Variants in NTM observed in about 807,000 individuals in gnomAD.
NTM encodes the protein IgLON family member 2.
Under a neutral mutation model 42.1 loss-of-function variants are expected in NTM, and 13 were observed. The observed-to-expected ratio is 0.31, with a 90% CI of 0.20 to 0.49. The LOEUF (loss-of-function observed/expected upper bound fraction) is 0.49, where lower values mean the gene tolerates loss of function less well. Among genes scored for constraint, NTM ranks in the 20% least tolerant of loss-of-function variants. The pLI is 0.99. For synonymous variants in NTM, 187 were observed against 179.2 expected (o/e 1.04, Z -0.35); for missense variants, 373 against 452.8 (o/e 0.82, Z 1.60).
intron 2 of NTM, among the ~76,000 whole-genome samples, chr11:132,101,641 A>C (rs891616490): frequency 6.6e-5 from 10 of 152,080 alleles, no homozygotes; most frequent in African/African-American, 2.4e-4. Context: ...AATGCAGGCC[A>C]GAAACCTAAG....
chr11:132,307,851 G>A (rs902022211), intron 5 of NTM, 28 bp downstream of exon 5: 7 of 1,609,468 alleles, frequency 4.3e-6, no homozygotes, highest in Non-Finnish European at 5.9e-6. Context: ...CACGCGCCCT[G>A]CACGTGCATC....
intron 2 of NTM, among the ~76,000 whole-genome samples, chr11:131,943,148 A>G (rs951708171): frequency 3.9e-5 from 6 of 151,978 alleles, no homozygotes; most frequent in African/African-American, 1.5e-4. Context: ...CCTTTCCACC[A>G]TCTACTTGGT....
At chr11:131,735,826 C>T (rs1328107620) in intron 1 of NTM, among the ~76,000 whole-genome samples, 1 of 145,636 alleles carries the variant, frequency 6.9e-6, no homozygotes, top group African/African-American at 2.7e-5. Flanking sequence ...CTTAGATTTC[C>T]ATTCATAAGG....
chr11:132,233,732 T>C (rs977496858), intron 4 of NTM, among the ~76,000 whole-genome samples: 1 of 152,220 alleles, frequency 6.6e-6, no homozygotes, highest in African/African-American at 2.4e-5. Context: ...TATCTGGTCC[T>C]TTAGAGAAGT....
intron 1 of NTM, among the ~76,000 whole-genome samples, chr11:131,694,597 T>C (rs1240280942): frequency 6.6e-6 from 1 of 152,126 alleles, no homozygotes; most frequent in Non-Finnish European, 1.5e-5. Context: ...CGTGCAAGGC[T>C]GAAGCGGGAA....
intron 1 of NTM, among the ~76,000 whole-genome samples, chr11:131,685,315 G>C (rs1031622903): frequency 7.9e-5 from 12 of 152,022 alleles, no homozygotes; most frequent in Non-Finnish European, 1.8e-4. Flanking sequence ...GCAGCTGGGG[G>C]CTCATGGAGA....
chr11:132,053,813 T>G (rs960044692), intron 2 of NTM, among the ~76,000 whole-genome samples: 1 of 152,262 alleles, frequency 6.6e-6, no homozygotes, highest in Non-Finnish European at 1.5e-5. Context: ...TTTTTTGTGC[T>G]GATTACCCTA....
intron 2 of NTM, among the ~76,000 whole-genome samples, chr11:132,073,156 G>T (rs2057923653): frequency 6.6e-6 from 1 of 152,120 alleles, no homozygotes; most frequent in East Asian, 1.9e-4. Context: ...TAGGCTAAGG[G>T]TTTCCAAACT....
chr11:131,521,183 C>T (rs952658008), intron 1 of NTM, among the ~76,000 whole-genome samples: 2 of 151,422 alleles, frequency 1.3e-5, no homozygotes, highest in African/African-American at 4.9e-5. Flanking sequence ...GGCATGGTAG[C>T]ATGTGCCTGT....
chr11:132,202,836 A>C (rs2081362027), intron 3 of NTM, among the ~76,000 whole-genome samples: 1 of 152,198 alleles, frequency 6.6e-6, no homozygotes, highest in Non-Finnish European at 1.5e-5. Flanking sequence ...CTGGTTTATG[A>C]CTAATCCTGA....
At chr11:131,375,226 C>T (rs972285264) in intron 1 of NTM, among the ~76,000 whole-genome samples, 4 of 152,166 alleles carry the variant, frequency 2.6e-5, no homozygotes, top group African/African-American at 4.8e-5. Context: ...GGCCGGGGAG[C>T]GACTCCCCTG....
rs2095863407 is a variant in NTM, at chr11:132,335,201, C to G, written c.*55C>G. The G allele has an allele frequency of 6.3e-7, 1 of 1,592,166 alleles. No individual in the cohort carries two copies. The highest frequency in any genetic ancestry group is 1.7e-5 in the Admixed American group (1 of 59,656). ...GCTGCCGCCACCACCACCACCAACA[C>G]AACAGCAATGGCAACACCGACAGCA... On this transcript the variant is annotated 3_prime_UTR_variant, in exon 9 of 9. Transcript: ENST00000683400.
rs1043164423 is a variant in NTM at position 131,548,958 on chromosome 11, G to A, written c.82+178070G>A. Among the ~76,000 whole-genome samples, 5 of 152,144 alleles carry A rather than the reference G, an allele frequency of 3.3e-5. No homozygotes were observed. The East Asian group carries it at 5.8e-4, about 18-fold the overall frequency. ...ACACTCAAACCTGGGGGTCCTGGGA[G>A]GCAGAATTCACAGCTTATACATCCT... On this transcript the variant is annotated intron_variant, in intron 1 of 8. Transcript: ENST00000683400.
intron 1 of NTM, among the ~76,000 whole-genome samples, chr11:131,720,672 A>G (rs2078225535): frequency 6.6e-6 from 1 of 152,164 alleles, no homozygotes; most frequent in Admixed American, 6.5e-5. Context: ...AAAATTTAGC[A>G]TTATACTGAC....
At chr11:132,237,676 G>A (rs3099791) in intron 4 of NTM, among the ~76,000 whole-genome samples, 34,172 of 152,058 alleles carry the variant, frequency 0.22, 4,875 homozygotes, top group Middle Eastern at 0.35. Flanking sequence ...GAACCCACAG[G>A]CAGAGGCCTC....
At chr11:131,478,960 G>C (rs968261534) in intron 1 of NTM, among the ~76,000 whole-genome samples, 1 of 152,206 alleles carries the variant, frequency 6.6e-6, no homozygotes, top group African/African-American at 2.4e-5. Context: ...GCAGCTCCAG[G>C]ACTTGAGGAG....
At position 131,920,946 on chromosome 11, in the gene NTM, C is replaced by A. The variant is rs527343194; in HGVS notation, c.167+9298C>A. 1.2e-3 allele frequency among the ~76,000 whole-genome samples: 177 copies of A among 152,310 alleles called. 1 individual carries two copies. Among genetic ancestry groups the A allele is most frequent in the Middle Eastern group, 3.4e-3 (1 of 294 alleles). On this transcript the variant is annotated intron_variant, in intron 2 of 8. Transcript: ENST00000683400. ...ATGTGCTGGATGAGTGAAAAAAATG[C>A]TCTCACATTCAGAATAATCATCTTT...
chr11:131,730,253 T>G (rs1298731078), intron 1 of NTM, among the ~76,000 whole-genome samples: 1 of 152,186 alleles, frequency 6.6e-6, no homozygotes, highest in Non-Finnish European at 1.5e-5. Context: ...AATTTTAATA[T>G]GATGTATTTG....
intron 1 of NTM, among the ~76,000 whole-genome samples, chr11:131,727,450 G>C (rs1426744744): frequency 6.6e-6 from 1 of 152,150 alleles, no homozygotes; most frequent in Non-Finnish European, 1.5e-5. Flanking sequence ...AATTAAAAGG[G>C]AGCCTGCTTG....
Sources: gnomAD v4.1 joint callset for allele counts (sites outside exome capture counted in the v4.1 genomes callset) on GRCh38, gnomAD v4.1.1 for gene constraint, MANE v1.5 for transcripts, NCBI Gene and HGNC (gene_info 2026-07-23, HGNC 2026-07-21) for gene names.